DPEP2: variants seen among roughly 807,000 people sequenced by gnomAD.
DPEP2 encodes the protein dipeptidase 2.
Under a neutral mutation model 51.8 loss-of-function variants are expected in DPEP2, and 45 were observed. The ratio of observed to expected loss-of-function variants is 0.87; its 90% CI spans 0.68 to 1.11. The LOEUF is 1.11. Among genes scored for constraint, DPEP2 ranks in the 50% most tolerant of loss-of-function variants. The pLI, the probability that DPEP2 is intolerant of heterozygous loss-of-function variation, is 0.00. For missense variants in DPEP2, 604 were observed against 631.9 expected (o/e 0.96, Z 0.47); for synonymous variants, 255 against 262.7 (o/e 0.97, Z 0.28).
In DPEP2 at chr16:67,987,842, C is replaced by G. The variant is rs763546388; in HGVS notation, c.1206+10G>C. ...ACCCCTCGGCTACTCTCTTGCCCAG[C>G]CCAGAGTACCTTTTCCACTTGTCTG... On this transcript the variant is annotated intron_variant, in intron 10 of 10. Transcript: ENST00000393847. 3.7e-6 allele frequency: 6 copies of G among 1,614,060 alleles called. No individual in the cohort carries two copies. In the African/African-American group the frequency reaches 8.0e-5, roughly 22 times the overall value.
Position 67,987,682 on chromosome 16 carries a change from C to T in DPEP2, c.1285G>A (p.Asp429Asn), listed in dbSNP as rs781644300. ...DEQLSSSCHSDLSRLRQRQSL... is the reference protein window; with the variant it reads ...DEQLSSSCHSNLSRLRQRQSL... ...TGTCTCTGACGCAGACGTGAGAGGTCGGAGTGGCAGGAACTGCTCAGCTGC... is the reference window on the plus strand; with the variant it reads ...TGTCTCTGACGCAGACGTGAGAGGTTGGAGTGGCAGGAACTGCTCAGCTGC... Residue 429 changes from aspartate to asparagine, a missense_variant, in exon 11 of 11, where the codon GAC becomes AAC. Physicochemically the swap from Asp to Asn is conservative, Grantham distance 23. Coordinates refer to ENST00000393847, the MANE Select transcript of DPEP2 (RefSeq NM_022355.4). 58 of 1,614,054 alleles carry T rather than the reference C, an allele frequency of 3.6e-5. No individual in the cohort carries two copies. The East Asian group carries it at 4.7e-4, about 13-fold the overall frequency.
Position 67,991,496 on chromosome 16 carries a change from G to A in DPEP2, c.663-312C>T. 1.9e-6 allele frequency: 1 copy of A among 515,062 alleles called. No individual in the cohort carries two copies. Among genetic ancestry groups the A allele is most frequent in the Non-Finnish European group, 3.5e-6 (1 of 289,122 alleles). 31.9% of individuals were successfully genotyped at this position (515,062 alleles called of 1,614,324 possible). On this transcript the variant is annotated intron_variant, in intron 5 of 10. Coordinates refer to ENST00000393847, the MANE Select transcript of DPEP2 (RefSeq NM_022355.4). The surrounding 1 kb of genome is among the most constrained non-coding windows in gnomAD (Gnocchi z 5.1). The stretch of plus-strand genomic sequence containing the variant: ...GGGTTCAAGAGATTCTCATGCCTCA[G>A]CCTCCTGAGTATCTGGGATTATAGG...
At chr16:67,996,999 ATATTATTATTATTATTATTAT>A (rs35421512) in intron 1 of DPEP2, among the ~76,000 whole-genome samples, 13 of 139,108 alleles carry the variant, frequency 9.3e-5, no homozygotes, top group East Asian at 2.1e-4. Flanking sequence ...ATAGATAATG[ATATTATTATTATTATTATTAT>A]TATTATTATT....
At chr16:67,997,015 TA>T (rs1396957790) in intron 1 of DPEP2, among the ~76,000 whole-genome samples, 1 of 136,118 alleles carries the variant, frequency 7.3e-6, no homozygotes, top group East Asian at 2.0e-4. Context: ...TTATTATTAT[TA>T]TTATTATTAT....
At chr16:67,997,813 C>A (rs769098317) in intron 1 of DPEP2, among the ~76,000 whole-genome samples, 1 of 152,066 alleles carries the variant, frequency 6.6e-6, no homozygotes, top group Non-Finnish European at 1.5e-5. Flanking sequence ...GAAGTTGAAC[C>A]CAGGATTTGG....
chr16:67,994,988 C>T, intron 1 of DPEP2: 1 of 715,568 alleles, frequency 1.4e-6, no homozygotes, highest in South Asian at 6.3e-5. Flanking sequence ...GCAATCTCCA[C>T]CTCCTGGGTT....
intron 1 of DPEP2, chr16:67,994,877 C>CA: frequency 3.0e-6 from 3 of 985,496 alleles, no homozygotes; most frequent in Non-Finnish European, 3.6e-6. Flanking sequence ...GGTTAACTGT[C>CA]ACGTCTACTG....
At chr16:67,996,630 C>A (rs1358635960) in intron 1 of DPEP2, among the ~76,000 whole-genome samples, 1 of 152,088 alleles carries the variant, frequency 6.6e-6, no homozygotes, top group Non-Finnish European at 1.5e-5. Context: ...AATCCACCCA[C>A]CACGGCCTCC....
chr16:67,992,965 A>G lies in DPEP2; in HGVS notation c.248T>C (p.Phe83Ser). Residue 83 changes from phenylalanine (F) to serine (S), a missense_variant, in exon 2 of 11, where the codon TTC becomes TCC. Transcript: ENST00000393847. ...QEQARALMRD[F>S]PLVDGHNDLP... is the part of the protein sequence containing the mutation. Reference sequence around the variant, plus strand: ...AATTACGCACCCGTCCACGAGCGGGAAGTCCCGCATCAGGGCCCGTGCCTG... The same window carrying G: ...AATTACGCACCCGTCCACGAGCGGGGAGTCCCGCATCAGGGCCCGTGCCTG... The G allele has an allele frequency of 1.2e-6, 2 of 1,611,474 alleles. No homozygotes were observed. Among genetic ancestry groups the G allele is most frequent in the East Asian group, 2.2e-5 (1 of 44,806 alleles).
chr16:67,993,991 T>A, intron 1 of DPEP2: 4 of 984,594 alleles, frequency 4.1e-6, no homozygotes, highest in Non-Finnish European at 4.8e-6. Flanking sequence ...AGCTCCTTCC[T>A]AAGGAGCTGC....
chr16:67,998,680 G>C (rs934599289), intron 1 of DPEP2, among the ~76,000 whole-genome samples: 2 of 152,242 alleles, frequency 1.3e-5, no homozygotes, highest in Admixed American at 1.3e-4. Context: ...TTGTGCTCCT[G>C]AGTCTGGTGG....
At chr16:67,989,719 G>A (rs1484100359) in intron 8 of DPEP2, among the ~76,000 whole-genome samples, 1 of 152,238 alleles carries the variant, frequency 6.6e-6, no homozygotes, top group Non-Finnish European at 1.5e-5. Context: ...GGAGATGACG[G>A]AGGGACAAAG....
At chr16:67,992,038 C>T (rs771634641) in intron 4 of DPEP2, 26 bp downstream of exon 4, 35 of 1,613,910 alleles carry the variant, frequency 2.2e-5, no homozygotes, top group Non-Finnish European at 2.8e-5. Context: ...AATCAAGTTC[C>T]TAACGCTTCC....
rs1324491135 is a variant in DPEP2 at position 67,992,446 on chromosome 16, G to A, written c.390+64C>T. The stretch of plus-strand genomic sequence containing the variant: ...ATGTGACTAACTTGTGATCTCTGGG[G>A]TCCCCACTCTCCCCATCATCCCCCA... On this transcript the variant is annotated intron_variant, in intron 3 of 10. Transcript: ENST00000393847. 4 of 1,560,318 alleles carry A rather than the reference G, an allele frequency of 2.6e-6. No individual in the cohort carries two copies. In the South Asian group the frequency reaches 4.8e-5, roughly 19 times the overall value.
intron 1 of DPEP2, among the ~76,000 whole-genome samples, chr16:67,997,481 C>G (rs995691731): frequency 1.2e-4 from 19 of 152,292 alleles, no homozygotes; most frequent in African/African-American, 4.1e-4. Flanking sequence ...CGCAGCCTCC[C>G]GAGTAGCTGG....
At position 67,992,521 on chromosome 16, in the gene DPEP2, C is replaced by T. The variant is rs755590475; in HGVS notation, c.379G>A (p.Val127Met). The T allele has an allele frequency of 2.0e-5, 33 of 1,611,524 alleles. No homozygotes were observed. The Admixed American group carries it at 4.9e-4, about 24-fold the overall frequency. The change falls in exon 3 of 11, where the codon GTG becomes ATG. Residue 127 changes from valine (V) to methionine (M), a missense_variant. Physicochemically the swap from Val to Met is conservative, Grantham distance 21 (BLOSUM62 1). Coordinates refer to ENST00000393847, the MANE Select transcript of DPEP2 (RefSeq NM_022355.4). Reference protein sequence around the residue: ...TSLDRLRDGLVGAQFWSAYVP... With the variant: ...TSLDRLRDGLMGAQFWSAYVP... The stretch of plus-strand genomic sequence containing the variant: ...TATCCCTGTGGTACCTGGGCGCCCA[C>T]GAGGCCATCTCTAAGCCTGTCCAGG...
chr16:67,989,550 A>G (rs2031861232), intron 8 of DPEP2, 152 bp from the exon 9 acceptor site: 2 of 737,038 alleles, frequency 2.7e-6, no homozygotes, highest in Non-Finnish European at 4.5e-6. Context: ...CAACCTGAGA[A>G]CCCTGAGGTT....
intron 1 of DPEP2, among the ~76,000 whole-genome samples, chr16:67,997,338 A>G (rs991641869): frequency 6.9e-6 from 1 of 145,174 alleles, no homozygotes; most frequent in African/African-American, 2.6e-5. Context: ...CCCTTGGCCA[A>G]ATTTTTTATT....
At position 67,991,190 on chromosome 16, in the gene DPEP2, G is replaced by A; in HGVS notation, c.663-6C>T. ...CCTTAGCGGAGCTCTCTGCCCTGCAGGGTGGCCAGGAAGCAGTCTGACTGG... is the reference window on the plus strand; with the variant it reads ...CCTTAGCGGAGCTCTCTGCCCTGCAAGGTGGCCAGGAAGCAGTCTGACTGG... On this transcript the variant is annotated splice_region_variant and splice_polypyrimidine_tract_variant and intron_variant, in intron 5 of 10. Transcript: ENST00000393847. The surrounding 1 kb of genome is among the most constrained non-coding windows in gnomAD (Gnocchi z 5.1). The A allele has an allele frequency of 1.2e-6, 2 of 1,612,538 alleles. No homozygotes were observed. The highest frequency in any genetic ancestry group is 1.7e-6 in the Non-Finnish European group (2 of 1,180,002).
Sources: allele counts gnomAD v4.1 joint callset (sites outside exome capture counted in the v4.1 genomes callset), GRCh38; gene constraint gnomAD v4.1.1; non-coding constraint Gnocchi (gnomAD v3.1); transcripts MANE v1.5; gene names NCBI Gene and HGNC (gene_info 2026-07-23, HGNC 2026-07-21).